Variants in FRMD4A observed in about 807,000 individuals in gnomAD.
FRMD4A encodes FERM domain-containing protein 4A.
In FRMD4A, 29 loss-of-function variants were observed where a neutral mutation model predicts 129.1. That is an observed-to-expected ratio of 0.22 (90% CI 0.17 to 0.31). The LOEUF is 0.31. FRMD4A is among the 10% of genes least tolerant of loss of function. The pLI, the probability that FRMD4A is intolerant of heterozygous loss-of-function variation, is 1.00. For synonymous variants in FRMD4A, 634 were observed against 571.6 expected, an observed-to-expected ratio of 1.11 and a Z score of -1.56; for missense variants, 1,272 against 1,375.8, an observed-to-expected ratio of 0.92 and a Z score of 1.19.
chr10:13,709,125 G>A (rs577884131), intron 12 of FRMD4A, among the ~76,000 whole-genome samples: 3 of 152,280 alleles, frequency 2.0e-5, no homozygotes, highest in African/African-American at 7.2e-5. Context: ...ACCACACCTG[G>A]ATAATTTTTG....
intron 2 of FRMD4A, among the ~76,000 whole-genome samples, chr10:14,160,251 C>G (rs1828799877): frequency 6.6e-6 from 1 of 152,064 alleles, no homozygotes. Context: ...CCTGGGAAAA[C>G]TGGATACCCT....
At chr10:14,128,100 C>CTTTCTTTCT (rs1554766376) in intron 2 of FRMD4A, among the ~76,000 whole-genome samples, 83 of 34,178 alleles carry the variant, frequency 2.4e-3, no homozygotes, top group Non-Finnish European at 3.4e-3. Context: ...TTCTTTCTTT[C>CTTTCTTTCT]TTTCTTTTCT....
intron 24 of FRMD4A, chr10:13,649,472 G>T (rs1281989558): frequency 7.8e-6 from 1 of 127,720 alleles, no homozygotes; most frequent in Non-Finnish European, 1.9e-5. Context: ...CTGGATTGGT[G>T]GTTTGGTTCT....
At chr10:14,119,474 G>A (rs764953902) in intron 2 of FRMD4A, among the ~76,000 whole-genome samples, 5 of 152,194 alleles carry the variant, frequency 3.3e-5, no homozygotes, top group African/African-American at 1.2e-4. Context: ...TAGGAATGAA[G>A]CCTGGGCTGC....
chr10:14,234,768 G>A (rs1843745350), intron 2 of FRMD4A, among the ~76,000 whole-genome samples: 2 of 152,224 alleles, frequency 1.3e-5, no homozygotes, highest in Admixed American at 1.3e-4. Flanking sequence ...CTGGAGAAGT[G>A]TCTCTATGGT....
chr10:13,814,106 C>T (rs938081336), intron 3 of FRMD4A, among the ~76,000 whole-genome samples: 3 of 151,602 alleles, frequency 2.0e-5, no homozygotes, highest in Non-Finnish European at 4.4e-5. Flanking sequence ...TTTTCAAATG[C>T]CAAAAGTCAC....
intron 3 of FRMD4A, among the ~76,000 whole-genome samples, chr10:13,848,609 C>CGTGTTTGT (rs2094091815): frequency 8.1e-6 from 1 of 124,018 alleles, no homozygotes; most frequent in Non-Finnish European, 1.8e-5. Flanking sequence ...TGTGTGTGTA[C>CGTGTTTGT]GTGTGTGTGT....
intron 2 of FRMD4A, among the ~76,000 whole-genome samples, chr10:14,301,733 T>A (rs1451303182): frequency 1.3e-5 from 2 of 152,218 alleles, no homozygotes; most frequent in Admixed American, 1.3e-4. Flanking sequence ...TCCAATGTCA[T>A]GGCAGGCTTC....
chr10:13,764,857 A>G (rs2092223489), intron 6 of FRMD4A, among the ~76,000 whole-genome samples: 1 of 152,172 alleles, frequency 6.6e-6, no homozygotes, highest in Non-Finnish European at 1.5e-5. Flanking sequence ...TTTACTGAGA[A>G]TGGAACCCAA....
At chr10:14,157,187 A>T (rs941160574) in intron 2 of FRMD4A, among the ~76,000 whole-genome samples, 1 of 152,216 alleles carries the variant, frequency 6.6e-6, no homozygotes, top group Admixed American at 6.5e-5. Context: ...ATTTACTAAG[A>T]GGTCACAGGC....
rs146124364 is a variant in FRMD4A at position 13,727,074 on chromosome 10, G to A, written c.759+10770C>T. Among the ~76,000 whole-genome samples, 85 of 151,930 alleles carry A rather than the reference G, an allele frequency of 5.6e-4. 1 individual carries two copies. The East Asian group carries it at 0.011, about 19-fold the overall frequency. ...CATGTCACCACACCCAGCTAATTTT[G>A]TATTTTTAGTAGAGACGGGGCTTCG... is the stretch of plus-strand genomic sequence containing the variant. On this transcript the variant is annotated intron_variant, in intron 12 of 24. Transcript: ENST00000357447.
intron 24 of FRMD4A, chr10:13,647,860 G>A (rs779922533): frequency 2.6e-5 from 4 of 151,558 alleles, no homozygotes; most frequent in Non-Finnish European, 4.4e-5. Context: ...ATCATGATTC[G>A]GAAAAACAGC....
At chr10:13,949,306 A>G (rs1431636902) in intron 2 of FRMD4A, among the ~76,000 whole-genome samples, 2 of 151,266 alleles carry the variant, frequency 1.3e-5, no homozygotes, top group East Asian at 3.9e-4. Context: ...GTGATCAAAA[A>G]AAAAAAAAAA....
chr10:14,240,526 G>C (rs1267351038), intron 2 of FRMD4A, among the ~76,000 whole-genome samples: 1 of 152,128 alleles, frequency 6.6e-6, no homozygotes, highest in Non-Finnish European at 1.5e-5. Context: ...CAATTCAGTG[G>C]CTACGGGCCA....
At chr10:13,890,476 T>TA in intron 2 of FRMD4A, 1 of 955,450 alleles carries the variant, frequency 1.0e-6, no homozygotes, top group South Asian at 4.8e-5. Flanking sequence ...AAGGACGACT[T>TA]ACGGATGCAG....
chr10:13,982,416 A>T (rs1463671100), intron 2 of FRMD4A, among the ~76,000 whole-genome samples: 1 of 145,520 alleles, frequency 6.9e-6, no homozygotes, highest in Non-Finnish European at 1.5e-5. Flanking sequence ...CCAGGAGGTC[A>T]AGGCTACAGT....
At chr10:13,822,320 G>A (rs1464610442) in intron 3 of FRMD4A, among the ~76,000 whole-genome samples, 1 of 152,178 alleles carries the variant, frequency 6.6e-6, no homozygotes, top group East Asian at 1.9e-4. Context: ...AGCTTTGCTT[G>A]CTTTTAAATT....
chr10:14,163,349 C>G (rs996712022), intron 2 of FRMD4A, among the ~76,000 whole-genome samples: 1 of 152,194 alleles, frequency 6.6e-6, no homozygotes, highest in Non-Finnish European at 1.5e-5. Flanking sequence ...TTATCATTAA[C>G]GTAATTCCCT....
chr10:14,056,739 G>A lies in FRMD4A; in HGVS notation c.46-197827C>T, dbSNP rs575870146. The stretch of plus-strand genomic sequence containing the variant: ...CTATGGAGACCTCTCACCATCTGCC[G>A]CGGCTCTTTCATGTGCAAATAGTCA... On this transcript the variant is annotated intron_variant, in intron 2 of 24. Coordinates refer to ENST00000357447, the MANE Select transcript of FRMD4A (RefSeq NM_018027.5). Among the ~76,000 whole-genome samples the A allele has an allele frequency of 6.6e-5, 10 of 152,228 alleles. No homozygotes were observed. The East Asian group carries it at 7.7e-4, about 12-fold the overall frequency.
Sources: gnomAD v4.1 joint callset for allele counts (sites outside exome capture counted in the v4.1 genomes callset) on GRCh38, gnomAD v4.1.1 for gene constraint, MANE v1.5 for transcripts, NCBI Gene and HGNC (gene_info 2026-07-23, HGNC 2026-07-21) for gene names.